The following PHF19 variants were observed in gnomAD, a reference collection of about 807,000 sequenced individuals.
PHF19 encodes polycomb like 3.
In PHF19, 21 loss-of-function variants were observed where a neutral mutation model predicts 79.8. The ratio of observed to expected loss-of-function variants is 0.26; its 90% confidence interval spans 0.19 to 0.38. PHF19 has a LOEUF of 0.38. PHF19 is among the 10% of genes least tolerant of loss of function. The pLI, the probability that PHF19 is intolerant of heterozygous loss-of-function variation, is 1.00. For missense variants in PHF19, 445 were observed against 744.2 expected (o/e 0.60, Z 4.68); for synonymous variants, 273 against 296.3 (o/e 0.92, Z 0.81).
At chr9:120,876,902 G>A (rs1230901983) in intron 1 of PHF19, 189 bp downstream of exon 1, 1 of 888,366 alleles carries the variant, frequency 1.1e-6, no homozygotes, top group Admixed American at 6.2e-5. Context: ...TCGGGAACCC[G>A]GGTGGGGCCC....
In PHF19 at chr9:120,874,123, G is replaced by A. The variant is rs1279867690; in HGVS notation, c.187-63C>T. ...TGGGGAAAAGCCAACCTGGAACATA[G>A]TCTTCCTCCCCCATTTTTGTCTCCG... On this transcript the variant is annotated intron_variant, in intron 2 of 14. Transcript: ENST00000373896. The surrounding 1 kb of genome is among the most constrained non-coding windows in gnomAD (Gnocchi z 4.5). 2 of 843,710 alleles carry A rather than the reference G, an allele frequency of 2.4e-6. No individual in the cohort carries two copies. Among genetic ancestry groups the A allele is most frequent in the Non-Finnish European group, 4.0e-6 (2 of 500,390 alleles). The allele number at this position is 843,710 out of a possible 1,614,324, so 52.3% of individuals were successfully genotyped here.
rs2046343483 is a variant in PHF19 at position 120,891,541 on chromosome 9, C to A, written c.42+3247G>T. Among the ~76,000 whole-genome samples, 1 of 152,088 alleles carries A rather than the reference C, an allele frequency of 6.6e-6. No individual in the cohort carries two copies. The highest frequency in any genetic ancestry group is 2.4e-5 in the African/African-American group (1 of 41,406). On this transcript the variant is annotated intron_variant, in intron 1 of 14. Coordinates refer to the PHF19 transcript ENST00000616568. This position sits in a 1 kb window ranked among gnomAD's most constrained non-coding sequence, Gnocchi z 4.3. ...GCTCCCCGGGTGGTTCAAGGTGCAG[C>A]CCAGGTGGAGCGCCACCATAATTTA... is the stretch of plus-strand genomic sequence containing the variant.
At position 120,891,530 on chromosome 9, in the gene PHF19, T is replaced by C. The variant is rs2131598836; in HGVS notation, c.42+3258A>G. Among the ~76,000 whole-genome samples, 1 of 152,192 alleles carries C rather than the reference T, an allele frequency of 6.6e-6. No individual in the cohort carries two copies. The highest frequency in any genetic ancestry group is 2.4e-5 in the African/African-American group (1 of 41,514). On this transcript the variant is annotated intron_variant, in intron 1 of 14. Coordinates refer to the PHF19 transcript ENST00000616568. This position sits in a 1 kb window ranked among gnomAD's most constrained non-coding sequence, Gnocchi z 4.3. Reference sequence around the variant, plus strand: ...TGGGTTGAAAAGCTCCCCGGGTGGTTCAAGGTGCAGCCCAGGTGGAGCGCC... The same window carrying C: ...TGGGTTGAAAAGCTCCCCGGGTGGTCCAAGGTGCAGCCCAGGTGGAGCGCC...
chr9:120,860,049 G>T lies in PHF19; in HGVS notation c.1400+41C>A. On this transcript the variant is annotated intron_variant, in intron 14 of 14. Coordinates refer to ENST00000373896, the MANE Select transcript of PHF19 (RefSeq NM_015651.3). The surrounding 1 kb of genome is among the most constrained non-coding windows in gnomAD (Gnocchi z 4.1). ...GGTGGAGGGGCTGAGAGGAATGATG[G>T]TCCTTGCAAAATGTGAAGGCCAGAC... is the stretch of plus-strand genomic sequence containing the variant. 9.9e-7 allele frequency: 1 copy of T among 1,005,628 alleles called. No homozygotes were observed. The highest frequency in any genetic ancestry group is 1.4e-5 in the South Asian group (1 of 73,176). 62.3% of individuals were successfully genotyped at this position (1,005,628 alleles called of 1,614,324 possible).
chr9:120,897,792 A>G (rs1428846401), upstream of PHF19, among the ~76,000 whole-genome samples: 3 of 152,078 alleles, frequency 2.0e-5, no homozygotes, highest in East Asian at 5.8e-4. Context: ...CAGTCTGGCC[A>G]ACGTGGTGAA....
In PHF19 at chr9:120,869,073, A is replaced by G. The variant is rs1158395562; in HGVS notation, c.614+109T>C. The G allele has an allele frequency of 2.5e-6, 3 of 1,187,598 alleles. No homozygotes were observed. The highest frequency in any genetic ancestry group is 2.2e-6 in the Non-Finnish European group (2 of 897,946). The allele number at this position is 1,187,598 out of a possible 1,614,324, so 73.6% of individuals were successfully genotyped here. A position where few individuals can be genotyped will look rare whatever the true frequency, so the allele number is the denominator to read the frequency against. On this transcript the variant is annotated intron_variant, in intron 6 of 14. Transcript: ENST00000373896. This position sits in a 1 kb window ranked among gnomAD's most constrained non-coding sequence, Gnocchi z 5.8. The stretch of plus-strand genomic sequence containing the variant: ...GCGCAACACACTGGGCCCGCCCTCA[A>G]GGTCCCCGCCTTGGCTGACACGCCA...
Position 120,877,170 on chromosome 9 carries a change from C to T in PHF19, c.-95G>A, listed in dbSNP as rs1426545047. 4.1e-6 allele frequency: 4 copies of T among 981,742 alleles called. No homozygotes were observed. The highest frequency in any genetic ancestry group is 4.7e-5 in the South Asian group (1 of 21,266). 60.8% of individuals were successfully genotyped at this position (981,742 alleles called of 1,614,324 possible). A position where few individuals can be genotyped will look rare whatever the true frequency, so the allele number is the denominator to read the frequency against. ...GTGGCGGAGGCGGCTGCGCTCGGCC[C>T]GCGGCTGCCCGGCCGAGTGTCCGCC... On this transcript the variant is annotated 5_prime_UTR_variant, in exon 1 of 15. Coordinates refer to ENST00000373896, the MANE Select transcript of PHF19 (RefSeq NM_015651.3).
chr9:120,878,400 C>G (rs1363212641), upstream of PHF19, among the ~76,000 whole-genome samples: 2 of 152,106 alleles, frequency 1.3e-5, no homozygotes, highest in South Asian at 2.1e-4. Context: ...ACCAATAACC[C>G]CACCCCCATC....
At position 120,891,995 on chromosome 9, in the gene PHF19, A is replaced by G. The variant is rs572594902; in HGVS notation, c.42+2793T>C. Among the ~76,000 whole-genome samples the G allele has an allele frequency of 1.1e-4, 16 of 152,322 alleles. No homozygotes were observed. The highest frequency in any genetic ancestry group is 3.8e-4 in the African/African-American group (16 of 41,580). On this transcript the variant is annotated intron_variant, in intron 1 of 14. Coordinates refer to the PHF19 transcript ENST00000616568. The surrounding 1 kb of genome is among the most constrained non-coding windows in gnomAD (Gnocchi z 4.3). ...CAAAGCAAAGAAAGGCCTCCAGGGG[A>G]CCATGCGGGGACTGGAAAACGACTG... is the stretch of plus-strand genomic sequence containing the variant.
intron 12 of PHF19, 147 bp from the exon 13 acceptor site, chr9:120,861,321 G>A (rs974818237): frequency 8.9e-6 from 6 of 675,470 alleles, no homozygotes; most frequent in Non-Finnish European, 5.4e-6. Flanking sequence ...GTCCTGACCA[G>A]GGAGCCAAAG....
intron 3 of PHF19, among the ~76,000 whole-genome samples, chr9:120,871,507 G>T (rs962958442): frequency 1.3e-5 from 2 of 152,136 alleles, no homozygotes; most frequent in Non-Finnish European, 2.9e-5. Flanking sequence ...ACAATTTTAA[G>T]TCTGTTCTTT....
intron 6 of PHF19, among the ~76,000 whole-genome samples, chr9:120,867,448 C>T (rs1220641874): frequency 1.3e-5 from 2 of 152,230 alleles, no homozygotes; most frequent in Non-Finnish European, 2.9e-5. Flanking sequence ...TGTATCTGGC[C>T]TATCATGGTC....
chr9:120,880,752 G>T (rs988417002), upstream of PHF19, among the ~76,000 whole-genome samples: 2 of 152,064 alleles, frequency 1.3e-5, no homozygotes, highest in African/African-American at 4.8e-5. Context: ...TTGAGCCCAG[G>T]AGTTCAAGAC....
At position 120,856,051 on chromosome 9, in the gene PHF19, C is replaced by T. The variant is rs1459296152; in HGVS notation, c.*1893G>A. ...CCAGGCAGGAAGCTACAAATTGGATCCCAGTTCCCACAGCACCCCTGGGCT... is the reference window on the plus strand; with the variant it reads ...CCAGGCAGGAAGCTACAAATTGGATTCCAGTTCCCACAGCACCCCTGGGCT... On this transcript the variant is annotated 3_prime_UTR_variant, in exon 15 of 15. Coordinates refer to ENST00000373896, the MANE Select transcript of PHF19 (RefSeq NM_015651.3). 6.6e-6 allele frequency: 1 copy of T among 152,636 alleles called. No homozygotes were observed. The highest frequency in any genetic ancestry group is 1.5e-5 in the Non-Finnish European group (1 of 68,088). The allele number at this position is 152,636 out of a possible 1,614,324, so 9.5% of individuals were successfully genotyped here.
intron 1 of PHF19, among the ~76,000 whole-genome samples, chr9:120,885,430 G>T (rs2046249169): frequency 6.6e-6 from 1 of 152,034 alleles, no homozygotes; most frequent in Non-Finnish European, 1.5e-5. Context: ...GTACAAAAAT[G>T]AGCTGGGCAT....
At position 120,856,108 on chromosome 9, in the gene PHF19, G is replaced by A. The variant is rs1483749808; in HGVS notation, c.*1836C>T. On this transcript the variant is annotated 3_prime_UTR_variant, in exon 15 of 15. Coordinates refer to ENST00000373896, the MANE Select transcript of PHF19 (RefSeq NM_015651.3). ...TGGCTTCTCAGCTCCCCTTCCACCT[G>A]GCCCTAGTTGGCCCCTGTGGCAGCA... The A allele has an allele frequency of 6.5e-6, 1 of 152,704 alleles. No individual in the cohort carries two copies. Among genetic ancestry groups the A allele is most frequent in the Non-Finnish European group, 1.5e-5 (1 of 68,110 alleles). The allele number at this position is 152,704 out of a possible 1,614,324, so 9.5% of individuals were successfully genotyped here.
intron 1 of PHF19, among the ~76,000 whole-genome samples, chr9:120,875,451 T>C (rs1164132582): frequency 1.3e-5 from 2 of 152,200 alleles, no homozygotes; most frequent in Non-Finnish European, 2.9e-5. Context: ...CTATTCAACG[T>C]GCAGTTCACC....
In PHF19 at chr9:120,862,699, C is replaced by T; in HGVS notation, c.1019G>A (p.Arg340His). ...IKKKKCIFRL[R>H]IRVPPNPPGK... is the part of the protein sequence containing the mutation. Reference sequence around the variant, plus strand: ...TGGCGGGTTGGGTGGGACGCGGATGCGCAGGCGGAAGATGCACTTCTTCTT... The same window carrying T: ...TGGCGGGTTGGGTGGGACGCGGATGTGCAGGCGGAAGATGCACTTCTTCTT... The change falls in exon 11 of 15, where the codon CGC (arginine) becomes CAC (histidine). Residue 340 changes from arginine (R) to histidine (H), a missense_variant. Physicochemically the swap from Arg to His is conservative, Grantham distance 29. Around this residue, in one of 5 missense-constraint regions of PHF19, gnomAD observed 83 missense variants for 85.5 expected, o/e 0.97. Transcript: ENST00000373896. The surrounding 1 kb of genome is among the most constrained non-coding windows in gnomAD (Gnocchi z 4.6). 7 of 1,614,144 alleles carry T rather than the reference C, an allele frequency of 4.3e-6. No individual in the cohort carries two copies. Among genetic ancestry groups the T allele is most frequent in the Non-Finnish European group, 5.9e-6 (7 of 1,180,002 alleles).
At chr9:120,868,458 G>A (rs899398480) in intron 6 of PHF19, 1 of 152,354 alleles carries the variant, frequency 6.6e-6, no homozygotes, top group African/African-American at 2.4e-5. Context: ...AGAGAGCTGA[G>A]GCTAAGGGGT....
Sources: gnomAD v4.1 joint callset for allele counts (sites outside exome capture counted in the v4.1 genomes callset) on GRCh38, gnomAD v4.1.1 for gene constraint, gnomAD v4.1.1 regional missense constraint, Gnocchi (gnomAD v3.1) non-coding constraint, MANE v1.5 for transcripts, NCBI Gene and HGNC (gene_info 2026-07-23, HGNC 2026-07-21) for gene names.